The following HMGN3 variants were observed in gnomAD, a reference collection of about 807,000 sequenced individuals.
HMGN3 encodes the protein high mobility group nucleosomal binding domain 3, also known as high mobility group nucleosome-binding domain-containing protein 3.
Under a neutral mutation model 18.8 loss-of-function variants are expected in HMGN3, and 6 were observed. The ratio of observed to expected loss-of-function variants is 0.32; its 90% CI spans 0.18 to 0.63. The LOEUF (loss-of-function observed/expected upper bound fraction) is 0.63. Among genes scored for constraint, HMGN3 ranks in the 30% least tolerant of loss-of-function variants. The probability of loss-of-function intolerance (pLI) is 0.79; values close to 1 mark genes in which losing one functional copy is unlikely to be tolerated. For missense variants in HMGN3, 107 were observed against 114.2 expected (o/e 0.94, Z 0.29); for synonymous variants, 40 against 36.5 (o/e 1.10, Z -0.35).
chr6:79,218,649 CTG>C (rs1777111558), intron 1 of HMGN3, among the ~76,000 whole-genome samples: 1 of 152,070 alleles, frequency 6.6e-6, no homozygotes, highest in African/African-American at 2.4e-5. Flanking sequence ...AAAATCATGA[CTG>C]AGGTTACCTT....
At chr6:79,220,208 A>G (rs1041236569) in intron 1 of HMGN3, among the ~76,000 whole-genome samples, 1 of 152,240 alleles carries the variant, frequency 6.6e-6, no homozygotes, top group African/African-American at 2.4e-5. Context: ...CCATTAAAAA[A>G]TGTAAGAACA....
chr6:79,216,023 C>A (rs1288229483), intron 1 of HMGN3, among the ~76,000 whole-genome samples: 1 of 152,176 alleles, frequency 6.6e-6, no homozygotes, highest in Non-Finnish European at 1.5e-5. Flanking sequence ...TGTGGTAATG[C>A]CTCATCTGAT....
At chr6:79,208,466 T>G in intron 3 of HMGN3, 81 bp downstream of exon 3, 1 of 1,173,604 alleles carries the variant, frequency 8.5e-7, no homozygotes, top group South Asian at 1.3e-5. Context: ...ACCATGTTAA[T>G]CTTCCTTTTG....
intron 1 of HMGN3, among the ~76,000 whole-genome samples, chr6:79,231,531 C>G (rs140781659): frequency 2.6e-5 from 4 of 152,250 alleles, no homozygotes; most frequent in Non-Finnish European, 5.9e-5. Context: ...TATAAAAAAC[C>G]ACTTGGCTTA....
At chr6:79,226,687 T>C (rs2127837815) in intron 1 of HMGN3, among the ~76,000 whole-genome samples, 1 of 152,348 alleles carries the variant, frequency 6.6e-6, no homozygotes, top group Admixed American at 6.5e-5. Flanking sequence ...GTAAGTATAT[T>C]TGTGTTAATT....
intron 3 of HMGN3, among the ~76,000 whole-genome samples, chr6:79,205,017 T>TG (rs1441054613): frequency 2.0e-5 from 3 of 152,208 alleles, no homozygotes; most frequent in African/African-American, 7.2e-5. Flanking sequence ...AGCATTCAAG[T>TG]GTTTTGATAG....
intron 1 of HMGN3, among the ~76,000 whole-genome samples, chr6:79,221,040 G>T (rs1286123096): frequency 1.3e-5 from 2 of 152,072 alleles, no homozygotes; most frequent in Non-Finnish European, 2.9e-5. Context: ...GGATTTCTCT[G>T]TATTTATGTT....
At chr6:79,227,618 G>A (rs1346161694) in intron 1 of HMGN3, among the ~76,000 whole-genome samples, 2 of 152,132 alleles carry the variant, frequency 1.3e-5, no homozygotes, top group Non-Finnish European at 2.9e-5. Context: ...ACGAAACAGA[G>A]CATATCATTA....
intron 2 of HMGN3, among the ~76,000 whole-genome samples, chr6:79,211,544 C>T (rs924291676): frequency 2.0e-5 from 3 of 149,914 alleles, no homozygotes; most frequent in South Asian, 2.1e-4. Context: ...CTCTGACATT[C>T]GCTATTTCCC....
intron 1 of HMGN3, among the ~76,000 whole-genome samples, chr6:79,228,136 C>T (rs543841647): frequency 7.2e-5 from 11 of 152,282 alleles, no homozygotes; most frequent in African/African-American, 2.6e-4. Flanking sequence ...TTTGAATGCT[C>T]ACTGCTCATA....
At chr6:79,211,765 T>C (rs1355510229) in intron 2 of HMGN3, among the ~76,000 whole-genome samples, 2 of 152,116 alleles carry the variant, frequency 1.3e-5, no homozygotes, top group Non-Finnish European at 2.9e-5. Flanking sequence ...ATCCTTTAGG[T>C]TGGAGAAAAT....
intron 3 of HMGN3, among the ~76,000 whole-genome samples, chr6:79,206,052 A>T (rs1366574245): frequency 6.6e-6 from 1 of 152,222 alleles, no homozygotes; most frequent in Admixed American, 6.5e-5. Flanking sequence ...TTCAAAGCAG[A>T]AAAGCATTCA....
chr6:79,203,889 C>T (rs777912889), intron 3 of HMGN3, among the ~76,000 whole-genome samples: 1 of 152,194 alleles, frequency 6.6e-6, no homozygotes, highest in Non-Finnish European at 1.5e-5. Context: ...CAGAATAGCT[C>T]TCCGGGAACA....
Position 79,234,088 on chromosome 6 carries a change from C to A in HMGN3, c.15+458G>T, listed in dbSNP as rs569950161. ...CTAGGAGCCACCGCAGCGCACCCAG[C>A]CCGCGAGTACAGCCGCATGGGAATA... is the stretch of plus-strand genomic sequence containing the variant. On this transcript the variant is annotated intron_variant, in intron 1 of 5. Coordinates refer to ENST00000344726, the Ensembl canonical transcript of HMGN3. The A allele has an allele frequency of 3.4e-3, 525 of 156,376 alleles. 2 individuals are homozygous for A. The highest frequency in any genetic ancestry group is 5.5e-3 in the Non-Finnish European group (391 of 70,494). The allele number at this position is 156,376 out of a possible 1,614,324, so 9.7% of individuals were successfully genotyped here. A position where few individuals can be genotyped will look rare whatever the true frequency, so the allele number is the denominator to read the frequency against.
intron 3 of HMGN3, among the ~76,000 whole-genome samples, chr6:79,205,580 C>A (rs1776383887): frequency 6.6e-6 from 1 of 152,208 alleles, no homozygotes; most frequent in East Asian, 1.9e-4. Context: ...AAACCTTTTT[C>A]TTTTGTAAAT....
At chr6:79,203,088 T>C (rs796777314) in intron 4 of HMGN3, among the ~76,000 whole-genome samples, 3 of 152,182 alleles carry the variant, frequency 2.0e-5, no homozygotes, top group Admixed American at 6.5e-5. Flanking sequence ...ACAGAGTTGA[T>C]GTGAAGGTCA....
At chr6:79,220,638 G>C (rs1777231364) in intron 1 of HMGN3, among the ~76,000 whole-genome samples, 1 of 152,014 alleles carries the variant, frequency 6.6e-6, no homozygotes, top group Non-Finnish European at 1.5e-5. Flanking sequence ...GTAGAGATGG[G>C]GTTTCATCAT....
chr6:79,227,587 C>G (rs1777624610), intron 1 of HMGN3, among the ~76,000 whole-genome samples: 1 of 152,188 alleles, frequency 6.6e-6, no homozygotes, highest in Non-Finnish European at 1.5e-5. Flanking sequence ...AATTCACTAT[C>G]TCAGTTAATT....
At chr6:79,201,657 C>A in exon 6 of HMGN3, 1 of 1,418,822 alleles carries the variant, frequency 7.0e-7, no homozygotes, top group East Asian at 2.3e-5. Flanking sequence ...CCAAGAGATA[C>A]ATAAAATCAA....
Sources: allele counts gnomAD v4.1 joint callset (sites outside exome capture counted in the v4.1 genomes callset), GRCh38; gene constraint gnomAD v4.1.1; transcripts MANE v1.5; gene names NCBI Gene and HGNC (gene_info 2026-07-23, HGNC 2026-07-21).